Variants in PI4KB observed in about 807,000 individuals in gnomAD.
PI4KB encodes phosphatidylinositol 4-kinase beta, also known as PtdIns 4-kinase beta.
Under a neutral mutation model 81.4 loss-of-function variants are expected in PI4KB, and 23 were observed. The observed-to-expected ratio is 0.28, with a 90% CI of 0.20 to 0.40. The LOEUF (loss-of-function observed/expected upper bound fraction) is 0.40. Among genes scored for constraint, PI4KB ranks in the 10% least tolerant of loss-of-function variants. The pLI, the probability that PI4KB is intolerant of heterozygous loss-of-function variation, is 1.00. For missense variants in PI4KB, 651 were observed against 1,036.6 expected (o/e 0.63, Z 5.11); for synonymous variants, 381 against 406.8 (o/e 0.94, Z 0.76).
chr1:151,327,586 C>T, upstream of PI4KB: 1 of 389,604 alleles, frequency 2.6e-6, no homozygotes, highest in Non-Finnish European at 4.5e-6. Flanking sequence ...GAGTCCAAGC[C>T]AAGCCTTTCT....
intron 1 of PI4KB, chr1:151,324,803 T>A (rs1436978276): frequency 2.0e-5 from 20 of 985,110 alleles, no homozygotes; most frequent in Non-Finnish European, 2.2e-5. Flanking sequence ...CTGGGTCCCC[T>A]CTTGTCCCAT....
rs144656134 is a variant in PI4KB at position 151,316,450 on chromosome 1, A to G, written c.32T>C (p.Leu11Ser). MGDTVVEPAPLKPTSEPTSGP... is the reference protein window; with the variant it reads MGDTVVEPAPSKPTSEPTSGP... ...AGAAGTGGGCTCAGAAGTTGGCTTC[A>G]AGGGGGCAGGCTCCACTACTGTATC... is the stretch of plus-strand genomic sequence containing the variant. The change falls in exon 2 of 12, where the codon TTG becomes TCG. Residue 11 changes from leucine to serine, a missense_variant. By Grantham distance (145) the Leu-to-Ser change is moderately radical. Transcript: ENST00000368873. The G allele has an allele frequency of 3.2e-6, 5 of 1,558,926 alleles. No homozygotes were observed. In the African/African-American group the frequency reaches 5.5e-5, roughly 17 times the overall value.
intron 1 of PI4KB, 34 bp downstream of exon 1, chr1:151,327,237 G>A (rs969488964): frequency 2.3e-4 from 24 of 105,172 alleles, no homozygotes; most frequent in Admixed American, 1.5e-4. Flanking sequence ...CACCCAACAG[G>A]GCAAAGGTGA....
rs1343563404 is a variant in PI4KB at position 151,316,138 on chromosome 1, C to A, written c.344G>T (p.Gly115Val). ...GAAVASGTAK[G>V]ARRRRQNNSA... ...GTTGTTCTGCCGCCGTCTTCTTGCT[C>A]CTTTGGCTGTGCCTGAGGCCACAGC... The change falls in exon 2 of 12, where the codon GGA becomes GTA. Residue 115 changes from glycine (G) to valine (V), a missense_variant. Gly to Val is a moderately radical substitution (Grantham distance 109). Transcript: ENST00000368873. The A allele has an allele frequency of 6.2e-7, 1 of 1,614,076 alleles. No individual in the cohort carries two copies. The highest frequency in any genetic ancestry group is 1.1e-5 in the South Asian group (1 of 91,090).
intron 10 of PI4KB, 132 bp downstream of exon 10, chr1:151,294,277 G>T: frequency 6.9e-7 from 1 of 1,456,804 alleles, no homozygotes; most frequent in African/African-American, 1.4e-5. Flanking sequence ...AAGCTCCCAG[G>T]AACTCCTGCC....
chr1:151,295,534 C>T (rs1479962954), intron 9 of PI4KB, among the ~76,000 whole-genome samples: 1 of 152,188 alleles, frequency 6.6e-6, no homozygotes, highest in East Asian at 1.9e-4. Flanking sequence ...GCCCAAGGTG[C>T]CATAGCCTCT....
chr1:151,316,968 G>A (rs915039113), intron 1 of PI4KB, among the ~76,000 whole-genome samples: 1 of 151,728 alleles, frequency 6.6e-6, no homozygotes, highest in Non-Finnish European at 1.5e-5. Context: ...GACTATAGGC[G>A]CCCACCACAA....
chr1:151,307,506 G>A lies in PI4KB; in HGVS notation c.1182+68C>T, dbSNP rs587720259. The A allele has an allele frequency of 4.0e-5, 41 of 1,032,674 alleles. 1 individual carries two copies. Among genetic ancestry groups the A allele is most frequent in the South Asian group, 1.5e-4 (11 of 73,830 alleles). The allele number at this position is 1,032,674 out of a possible 1,614,324, so 64.0% of individuals were successfully genotyped here. A position where few individuals can be genotyped will look rare whatever the true frequency, so the allele number is the denominator to read the frequency against. Reference sequence around the variant, plus strand: ...GGTGAGGGCCTCACTGGTCATACACGCAAACTCTGAACAACCATGGGTGAA... The same window carrying A: ...GGTGAGGGCCTCACTGGTCATACACACAAACTCTGAACAACCATGGGTGAA... On this transcript the variant is annotated intron_variant, in intron 4 of 11. Transcript: ENST00000368873.
intron 1 of PI4KB, among the ~76,000 whole-genome samples, chr1:151,322,927 A>T (rs1486641400): frequency 6.6e-6 from 1 of 152,118 alleles, no homozygotes; most frequent in Non-Finnish European, 1.5e-5. Flanking sequence ...AGCCACCACA[A>T]CTAGTCTCCT....
intron 2 of PI4KB, among the ~76,000 whole-genome samples, chr1:151,310,716 A>G (rs1696151113): frequency 6.6e-6 from 1 of 152,042 alleles, no homozygotes; most frequent in Non-Finnish European, 1.5e-5. Context: ...TGGAAACCCC[A>G]TGTTCCTCCA....
Position 151,307,621 on chromosome 1 carries a change from C to T in PI4KB, c.1135G>A (p.Val379Ile), listed in dbSNP as rs748704709. 1 of 1,614,120 alleles carries T rather than the reference C, an allele frequency of 6.2e-7. No homozygotes were observed. Among genetic ancestry groups the T allele is most frequent in the Non-Finnish European group, 8.5e-7 (1 of 1,180,006 alleles). Residue 379 changes from valine (V) to isoleucine (I), a missense_variant, in exon 4 of 12, where the codon GTC (valine) becomes ATC (isoleucine). This residue lies in a region of PI4KB where 246 missense variants were observed against 430.1 expected (regional missense o/e 0.57). Coordinates refer to ENST00000368873, the MANE Select transcript of PI4KB (RefSeq NM_001369623.2). The stretch of plus-strand genomic sequence containing the variant: ...ACAGCCTGTGTGTGGGGTACACGGA[C>T]CACGTGGTGGTCAAAGCCAGCAGTG... The part of the protein sequence containing the change: ...LPTAGFDHHV[V>I]RVPHTQAVVL...
intron 1 of PI4KB, among the ~76,000 whole-genome samples, chr1:151,324,015 C>T (rs746004514): frequency 2.4e-4 from 37 of 151,574 alleles, no homozygotes; most frequent in Non-Finnish European, 3.8e-4. Context: ...GCAGTGGCGC[C>T]ATCTCAGCTC....
intron 2 of PI4KB, among the ~76,000 whole-genome samples, chr1:151,313,441 A>G (rs1290719119): frequency 6.6e-6 from 1 of 152,184 alleles, no homozygotes; most frequent in African/African-American, 2.4e-5. Context: ...AAGGATCAGC[A>G]GAGTAAGAAA....
intron 1 of PI4KB, chr1:151,326,041 C>T: frequency 1.1e-6 from 1 of 929,688 alleles, no homozygotes; most frequent in East Asian, 2.6e-5. Flanking sequence ...TGGAACCAAC[C>T]AAAACTATTC....
chr1:151,305,018 C>T (rs926049470), intron 5 of PI4KB, among the ~76,000 whole-genome samples: 5 of 151,996 alleles, frequency 3.3e-5, no homozygotes, highest in South Asian at 2.1e-4. Context: ...TTAGTGGAGA[C>T]GGGGTTTCAC....
At chr1:151,293,822 C>G (rs781099372) in intron 11 of PI4KB, 196 bp downstream of exon 11, 6 of 574,112 alleles carry the variant, frequency 1.0e-5, no homozygotes, top group Non-Finnish European at 1.8e-5. Context: ...CCTTCCCCAG[C>G]CTTCTGGACT....
intron 9 of PI4KB, 169 bp downstream of exon 9, chr1:151,298,639 C>T (rs954589900): frequency 2.7e-6 from 2 of 753,220 alleles, no homozygotes; most frequent in Non-Finnish European, 4.4e-6. Flanking sequence ...TCTTATTAGT[C>T]TGCCTCCTGA....
At chr1:151,298,195 T>C (rs1190961416) in intron 9 of PI4KB, among the ~76,000 whole-genome samples, 1 of 152,206 alleles carries the variant, frequency 6.6e-6, no homozygotes, top group Non-Finnish European at 1.5e-5. Context: ...GCTGAGAGTT[T>C]CCACTTCATC....
Position 151,316,079 on chromosome 1 carries a change from C to T in PI4KB, c.403G>A (p.Glu135Lys), listed in dbSNP as rs763569179. ...ATGGAGATGTCAAACAGTTTTGACT[C>T]AAACAGCCTCAGCAGCCAAGACTGT... The part of the protein sequence containing the change: ...AKQSWLLRLF[E>K]SKLFDISMAI... Residue 135 changes from glutamate (E) to lysine (K), a missense_variant, in exon 2 of 12, where the codon GAG becomes AAG. By Grantham distance (56) the Glu-to-Lys change is moderately conservative (BLOSUM62 1). This residue lies in a region of PI4KB where 314 missense variants were observed against 397.8 expected (regional missense o/e 0.79). Coordinates refer to ENST00000368873, the MANE Select transcript of PI4KB (RefSeq NM_001369623.2). 6.2e-7 allele frequency: 1 copy of T among 1,614,128 alleles called. No homozygotes were observed. Among genetic ancestry groups the T allele is most frequent in the African/African-American group, 1.3e-5 (1 of 75,040 alleles).
Sources: allele counts gnomAD v4.1 joint callset (sites outside exome capture counted in the v4.1 genomes callset), GRCh38; gene constraint gnomAD v4.1.1; regional missense constraint gnomAD v4.1.1; transcripts MANE v1.5; gene names NCBI Gene and HGNC (gene_info 2026-07-23, HGNC 2026-07-21).